CACNA2D3: variants seen among roughly 807,000 people sequenced by gnomAD.
CACNA2D3 encodes calcium voltage-gated channel auxiliary subunit alpha2delta 3.
A neutral mutation model predicts 160.6 loss-of-function variants in CACNA2D3; 60 were observed. The observed-to-expected ratio is 0.37, with a 90% CI of 0.30 to 0.46. The LOEUF (loss-of-function observed/expected upper bound fraction) is 0.46. Among genes scored for constraint, CACNA2D3 ranks in the 20% least tolerant of loss-of-function variants. CACNA2D3 has a pLI of 1.00. For synonymous variants in CACNA2D3, 558 were observed against 492.9 expected, an observed-to-expected ratio of 1.13 and a Z score of -1.75; for missense variants, 1,205 against 1,365.0, an observed-to-expected ratio of 0.88 and a Z score of 1.85.
chr3:54,608,171 C>A (rs901757740), intron 9 of CACNA2D3, among the ~76,000 whole-genome samples: 1 of 152,102 alleles, frequency 6.6e-6, no homozygotes, highest in African/African-American at 2.4e-5. Context: ...CTGGTGAAAT[C>A]CAAATGAAGT....
At chr3:54,898,113 TTTTC>T (rs375040648) in intron 26 of CACNA2D3, among the ~76,000 whole-genome samples, 24 of 151,226 alleles carry the variant, frequency 1.6e-4, no homozygotes, top group African/African-American at 4.4e-4. Flanking sequence ...TTTCTTTCTT[TTTTC>T]TTTCTTTCTT....
chr3:54,552,527 T>C (rs117670588), intron 5 of CACNA2D3, among the ~76,000 whole-genome samples: 2,330 of 152,264 alleles, frequency 0.015, 96 homozygotes, highest in East Asian at 0.1. Flanking sequence ...CTTAGCAAAC[T>C]TCCGCTTTGA....
intron 3 of CACNA2D3, 22 bp downstream of exon 3, chr3:54,320,580 C>T: frequency 1.5e-6 from 2 of 1,355,610 alleles, no homozygotes; most frequent in Non-Finnish European, 1.0e-6. Context: ...TGTTTTGTGC[C>T]CTGTATCGCC....
At chr3:54,209,507 T>A (rs1701333447) in intron 2 of CACNA2D3, among the ~76,000 whole-genome samples, 2 of 152,046 alleles carry the variant, frequency 1.3e-5, no homozygotes, top group African/African-American at 4.8e-5. Context: ...CTGAAAGGAG[T>A]TCACGCATTA....
At chr3:54,631,203 A>AACACACACACACACACAC (rs67944483) in intron 10 of CACNA2D3, among the ~76,000 whole-genome samples, 1,598 of 145,806 alleles carry the variant, frequency 0.011, 31 homozygotes, top group African/African-American at 0.038. Flanking sequence ...GACTCCATCA[A>AACACACACACACACACAC]ACACACACAC....
chr3:54,780,938 G>C (rs976545190), intron 13 of CACNA2D3, among the ~76,000 whole-genome samples: 2 of 152,112 alleles, frequency 1.3e-5, no homozygotes, highest in Admixed American at 1.3e-4. Context: ...ATTGATCACT[G>C]TATGACAATA....
intron 2 of CACNA2D3, among the ~76,000 whole-genome samples, chr3:54,305,857 A>G (rs900640465): frequency 6.6e-6 from 1 of 152,214 alleles, no homozygotes; most frequent in Non-Finnish European, 1.5e-5. Context: ...AGTGCCTGTG[A>G]CTTTGTCATC....
chr3:54,335,871 G>T (rs909989950), intron 3 of CACNA2D3, among the ~76,000 whole-genome samples: 13 of 151,912 alleles, frequency 8.6e-5, no homozygotes, highest in Non-Finnish European at 1.5e-4. Flanking sequence ...AGCTGTGGTG[G>T]TGCATGTTTG....
chr3:54,506,025 G>T (rs1318301479), intron 5 of CACNA2D3, among the ~76,000 whole-genome samples: 1 of 152,218 alleles, frequency 6.6e-6, no homozygotes, highest in Non-Finnish European at 1.5e-5. Context: ...ACCCAGCCAG[G>T]CTGTGGGGCA....
intron 11 of CACNA2D3, among the ~76,000 whole-genome samples, chr3:54,680,466 G>T (rs948128192): frequency 3.3e-5 from 5 of 152,172 alleles, no homozygotes; most frequent in Non-Finnish European, 7.3e-5. Context: ...TCTTCAACAT[G>T]GCCCCTACCC....
chr3:54,572,929 G>A (rs548791683), intron 8 of CACNA2D3, among the ~76,000 whole-genome samples: 5 of 152,192 alleles, frequency 3.3e-5, no homozygotes, highest in Admixed American at 6.5e-5. Context: ...AAAACCAATC[G>A]ATTGAAATAA....
At chr3:54,736,058 T>C (rs1229178609) in intron 11 of CACNA2D3, among the ~76,000 whole-genome samples, 7,007 of 50,202 alleles carry the variant, frequency 0.14, 475 homozygotes, top group Non-Finnish European at 0.19. Flanking sequence ...CATACATATG[T>C]ATGTATATAT....
At chr3:54,477,218 A>G (rs1239939128) in intron 4 of CACNA2D3, among the ~76,000 whole-genome samples, 1 of 152,140 alleles carries the variant, frequency 6.6e-6, no homozygotes, top group Non-Finnish European at 1.5e-5. Flanking sequence ...TAGAGTACCT[A>G]TAACCTAAGA....
intron 27 of CACNA2D3, among the ~76,000 whole-genome samples, chr3:54,950,211 A>G (rs1701724246): frequency 6.6e-6 from 1 of 152,230 alleles, no homozygotes; most frequent in African/African-American, 2.4e-5. Context: ...TGAGCTGGCA[A>G]ACTTCAACAT....
chr3:54,218,280 G>A (rs1466631359), intron 2 of CACNA2D3, among the ~76,000 whole-genome samples: 1 of 152,194 alleles, frequency 6.6e-6, no homozygotes, highest in East Asian at 1.9e-4. Flanking sequence ...GCGTGCAGGT[G>A]GACTGTGACC....
intron 3 of CACNA2D3, among the ~76,000 whole-genome samples, chr3:54,377,359 T>G (rs1699029555): frequency 6.6e-6 from 1 of 152,192 alleles, no homozygotes; most frequent in African/African-American, 2.4e-5. Context: ...AGAATTAACT[T>G]TCACATAACC....
intron 27 of CACNA2D3, among the ~76,000 whole-genome samples, chr3:54,953,347 A>G (rs1468066303): frequency 6.6e-6 from 1 of 152,208 alleles, no homozygotes; most frequent in Non-Finnish European, 1.5e-5. Context: ...AAGCAGACAC[A>G]GATAGTAACT....
chr3:54,454,104 C>T (rs1401183982), intron 4 of CACNA2D3, among the ~76,000 whole-genome samples: 1 of 152,172 alleles, frequency 6.6e-6, no homozygotes. Flanking sequence ...TGAATCTGCA[C>T]ACACCCTCCA....
intron 4 of CACNA2D3, among the ~76,000 whole-genome samples, chr3:54,402,648 T>C (rs1699490155): frequency 6.6e-6 from 1 of 152,088 alleles, no homozygotes; most frequent in Admixed American, 6.5e-5. Context: ...TAATTGACAT[T>C]AAGGGAGAAA....
Sources: allele counts gnomAD v4.1 joint callset (sites outside exome capture counted in the v4.1 genomes callset), GRCh38; gene constraint gnomAD v4.1.1; transcripts MANE v1.5; gene names NCBI Gene and HGNC (gene_info 2026-07-23, HGNC 2026-07-21).